Variants in ATRNL1 observed in about 807,000 individuals in gnomAD.
The protein encoded by ATRNL1 is attractin like 1.
ATRNL1 carries 95 observed loss-of-function variants against 182.7 expected under a neutral mutation model. The observed-to-expected ratio is 0.52, with a 90% CI of 0.44 to 0.62. The LOEUF is 0.62. ATRNL1 is among the 20% of genes least tolerant of loss of function. ATRNL1 has a pLI of 0.00. For synonymous variants in ATRNL1, 576 were observed against 568.3 expected, an observed-to-expected ratio of 1.01 and a Z score of -0.19; for missense variants, 1,471 against 1,679.5, an observed-to-expected ratio of 0.88 and a Z score of 2.17.
intron 26 of ATRNL1, among the ~76,000 whole-genome samples, chr10:115,584,830 A>G (rs1855404606): frequency 6.6e-6 from 1 of 151,110 alleles, no homozygotes; most frequent in African/African-American, 2.4e-5. Flanking sequence ...AGTTCTTTTA[A>G]TTGTGATGTT....
At chr10:115,337,481 C>T (rs1237773200) in intron 19 of ATRNL1, among the ~76,000 whole-genome samples, 2 of 152,176 alleles carry the variant, frequency 1.3e-5, no homozygotes, top group Non-Finnish European at 1.5e-5. Context: ...TACCCCCTGC[C>T]CTCCAGCCCT....
chr10:115,493,812 C>G (rs960985155), intron 24 of ATRNL1, among the ~76,000 whole-genome samples: 1 of 152,158 alleles, frequency 6.6e-6, no homozygotes, highest in Non-Finnish European at 1.5e-5. Context: ...GATATTCTGA[C>G]TAGTGTGAAA....
intron 26 of ATRNL1, among the ~76,000 whole-genome samples, chr10:115,680,709 A>G (rs182549736): frequency 1.3e-5 from 2 of 152,194 alleles, no homozygotes; most frequent in Non-Finnish European, 2.9e-5. Context: ...TGTATTTATC[A>G]AACACATTAA....
At chr10:115,151,111 C>T (rs1164346536) in intron 5 of ATRNL1, among the ~76,000 whole-genome samples, 5 of 152,170 alleles carry the variant, frequency 3.3e-5, no homozygotes, top group Admixed American at 6.5e-5. Flanking sequence ...TTTCTTAATC[C>T]AGTCTATCAT....
chr10:115,583,302 TG>T (rs1479188670), intron 26 of ATRNL1, among the ~76,000 whole-genome samples: 7 of 111,342 alleles, frequency 6.3e-5, no homozygotes, highest in African/African-American at 1.6e-4. Context: ...GGTAGCTTGA[TG>T]GGGATGGCAT....
intron 19 of ATRNL1, among the ~76,000 whole-genome samples, chr10:115,392,193 C>A (rs1198748299): frequency 2.0e-5 from 3 of 152,226 alleles, no homozygotes; most frequent in African/African-American, 7.2e-5. Context: ...CCACCATAAT[C>A]TTTTGTCTTC....
intron 8 of ATRNL1, among the ~76,000 whole-genome samples, chr10:115,203,771 AT>A (rs1174156638): frequency 2.1e-3 from 169 of 82,192 alleles, no homozygotes; most frequent in African/African-American, 7.8e-3. Flanking sequence ...TTTTTTTTGT[AT>A]TTTTAGTAGA....
intron 26 of ATRNL1, among the ~76,000 whole-genome samples, chr10:115,624,691 C>T (rs993755843): frequency 2.6e-5 from 4 of 152,026 alleles, no homozygotes; most frequent in African/African-American, 9.7e-5. Flanking sequence ...AATGAGGACC[C>T]CTCCCCCACT....
In ATRNL1 at chr10:115,332,245, C is replaced by T. The variant is rs149959135; in HGVS notation, c.3038-2037C>T. ...GGGCTTGGGGATGGGGTATTGTGGT[C>T]ACAGAAAACTGATTCTCTTACCATC... On this transcript the variant is annotated intron_variant, in intron 18 of 28. Transcript: ENST00000355044. 1.3e-3 allele frequency among the ~76,000 whole-genome samples: 205 copies of T among 152,240 alleles called. 1 individual carries two copies. The highest frequency in any genetic ancestry group is 4.6e-3 in the African/African-American group (193 of 41,550).
At chr10:115,493,531 T>A (rs181919325) in intron 24 of ATRNL1, among the ~76,000 whole-genome samples, 1 of 152,244 alleles carries the variant, frequency 6.6e-6, no homozygotes, top group Non-Finnish European at 1.5e-5. Flanking sequence ...ACCATCTAGG[T>A]TTATTATGTG....
At chr10:115,221,364 G>C (rs1849457747) in intron 9 of ATRNL1, among the ~76,000 whole-genome samples, 1 of 152,166 alleles carries the variant, frequency 6.6e-6, no homozygotes, top group Non-Finnish European at 1.5e-5. Flanking sequence ...TACCACCTCA[G>C]AACTGGTTTC....
At chr10:115,184,750 C>A (rs1401046351) in intron 8 of ATRNL1, among the ~76,000 whole-genome samples, 1 of 151,680 alleles carries the variant, frequency 6.6e-6, no homozygotes, top group East Asian at 1.9e-4. Context: ...AGAAAAAAAT[C>A]ATAAAACAAT....
At chr10:115,474,098 CT>C (rs1848426481) in intron 24 of ATRNL1, among the ~76,000 whole-genome samples, 1 of 151,276 alleles carries the variant, frequency 6.6e-6, no homozygotes. Flanking sequence ...CATCTGCTAA[CT>C]TTGGGCTTCA....
chr10:115,345,895 A>G (rs113480752), intron 19 of ATRNL1, among the ~76,000 whole-genome samples: 24 of 152,200 alleles, frequency 1.6e-4, no homozygotes, highest in African/African-American at 5.5e-4. Context: ...TATGTTTTTG[A>G]TGTTCATTCT....
At chr10:115,651,056 AT>A (rs1287916661) in intron 26 of ATRNL1, among the ~76,000 whole-genome samples, 2 of 152,172 alleles carry the variant, frequency 1.3e-5, no homozygotes, top group East Asian at 3.9e-4. Flanking sequence ...GTCAATTTGA[AT>A]GTTCCGCTGA....
At chr10:115,799,456 CAG>C (rs1319051670) in intron 27 of ATRNL1, among the ~76,000 whole-genome samples, 2 of 152,164 alleles carry the variant, frequency 1.3e-5, no homozygotes, top group African/African-American at 4.8e-5. Flanking sequence ...TTTCAGGAAA[CAG>C]AGAGGTGGGG....
chr10:115,899,378 G>A (rs1284975950), intron 28 of ATRNL1, among the ~76,000 whole-genome samples: 3 of 152,042 alleles, frequency 2.0e-5, no homozygotes, highest in African/African-American at 4.8e-5. Flanking sequence ...GCATGATCTC[G>A]GCTCACCGCA....
In ATRNL1 at chr10:115,814,608, G is replaced by GT. The variant is rs138147616; in HGVS notation, c.3904-33262dup. Among the ~76,000 whole-genome samples, 1,028 of 152,240 alleles carry GT rather than the reference G, an allele frequency of 6.8e-3. 13 individuals are homozygous for GT. The highest frequency in any genetic ancestry group is 0.023 in the African/African-American group (966 of 41,560). On this transcript the variant is annotated intron_variant, in intron 27 of 28. Transcript: ENST00000355044. Reference sequence around the variant, plus strand: ...GCTCACTGGACAAGGCAGACTAAATGTTTTTTTCCTAAGGGTTTCTTCTTA... The same window carrying GT: ...GCTCACTGGACAAGGCAGACTAAATGTTTTTTTTCCTAAGGGTTTCTTCTTA...
At chr10:115,410,487 A>G (rs139731104) in intron 20 of ATRNL1, among the ~76,000 whole-genome samples, 1,898 of 151,694 alleles carry the variant, frequency 0.013, 36 homozygotes, top group African/African-American at 0.043. Context: ...CACCCAGCTA[A>G]TTTTTGTATT....
Sources: gnomAD v4.1 joint callset for allele counts (sites outside exome capture counted in the v4.1 genomes callset) on GRCh38, gnomAD v4.1.1 for gene constraint, MANE v1.5 for transcripts, NCBI Gene and HGNC (gene_info 2026-07-23, HGNC 2026-07-21) for gene names.